SART3: variants seen among roughly 807,000 people sequenced by gnomAD.
The protein encoded by SART3 is spliceosome associated factor 3, U4/U6 recycling protein, also known as HIV-1 Tat-interacting protein of 110kDa.
In SART3, 44 loss-of-function variants were observed where a neutral mutation model predicts 122.3. That is an observed-to-expected ratio of 0.36 (90% confidence interval 0.28 to 0.46). SART3 has a LOEUF of 0.46. SART3 is among the 20% of genes least tolerant of loss of function. The pLI, the probability that SART3 is intolerant of heterozygous loss-of-function variation, is 1.00. For missense variants in SART3, 1,101 were observed against 1,229.0 expected, an observed-to-expected ratio of 0.90 and a Z score of 1.56; for synonymous variants, 442 against 454.0, an observed-to-expected ratio of 0.97 and a Z score of 0.34.
intron 17 of SART3, 105 bp from the exon 18 acceptor site, chr12:108,524,611 G>A: frequency 9.6e-7 from 1 of 1,046,998 alleles, no homozygotes; most frequent in South Asian, 1.3e-5. Context: ...CAGCAGACCA[G>A]GCCACAGCAA....
At chr12:108,547,755 CAACTT>C in intron 3 of SART3, 127 bp downstream of exon 3, 1 of 694,196 alleles carries the variant, frequency 1.4e-6, no homozygotes, top group Non-Finnish European at 2.6e-6. Flanking sequence ...TAAGACAACT[CAACTT>C]AAATCTTGCT....
Position 108,543,146 on chromosome 12 carries a change from T to G in SART3, c.788A>C (p.Glu263Ala). ...RQLAIPLYDM[E>A]ATFAEYEEWS... ...TTCTTCATACTCTGCAAATGTGGCC[T>G]CCATATCTATTGAAAGATGGATTCA... The change falls in exon 6 of 19, where the codon GAG becomes GCG. Residue 263 changes from glutamate to alanine, a missense_variant. Transcript: ENST00000546815. 1 of 1,614,148 alleles carries G rather than the reference T, an allele frequency of 6.2e-7. No homozygotes were observed. The highest frequency in any genetic ancestry group is 8.5e-7 in the Non-Finnish European group (1 of 1,179,974).
chr12:108,537,620 T>C (rs1443481716), intron 8 of SART3, 25 bp from the exon 9 acceptor site: 1 of 1,567,660 alleles, frequency 6.4e-7, no homozygotes, highest in South Asian at 1.1e-5. Flanking sequence ...AAGTCAGGAT[T>C]TGTTACCAAT....
rs777536264 is a variant in SART3 at position 108,535,441 on chromosome 12, C to T, written c.1474G>A (p.Ala492Thr). Residue 492 changes from alanine (A) to threonine (T), a missense_variant, in exon 12 of 19, where the codon GCT becomes ACT. Physicochemically the swap from Ala to Thr is moderately conservative, Grantham distance 58. Transcript: ENST00000546815. ...ATGATGCTATCCCAGAGTTCCCGAG[C>T]TTTCTGCATGTTATTGCACAGTCGA... ...EARLCNNMQK[A>T]RELWDSIMTR... The T allele has an allele frequency of 4.3e-6, 7 of 1,614,008 alleles. No homozygotes were observed. The highest frequency in any genetic ancestry group is 4.5e-5 in the East Asian group (2 of 44,890).
chr12:108,525,869 A>G (rs758599679), intron 16 of SART3: 3 of 619,624 alleles, frequency 4.8e-6, no homozygotes, highest in East Asian at 2.7e-5. Context: ...TGACACACAT[A>G]AAGCATTCAG....
At position 108,523,497 on chromosome 12, in the gene SART3, A is replaced by G. The variant is rs769530608; in HGVS notation, c.2852T>C (p.Met951Thr). The change falls in exon 19 of 19, where the codon ATG becomes ACG. Residue 951 changes from methionine (M) to threonine (T), a missense_variant. This residue lies in a region of SART3 where 885 missense variants were observed against 1,080.1 expected (regional missense o/e 0.82). Transcript: ENST00000546815. ...CAGCTTGGCAAAATCGGCATTGGAC[A>G]TCTTGGGTGCCTCGGTGGCTGCTGG... ...AAPAATEAPK[M>T]SNADFAKLFL... The G allele has an allele frequency of 3.1e-6, 5 of 1,613,068 alleles. No individual in the cohort carries two copies. In the South Asian group the frequency reaches 4.4e-5, roughly 14 times the overall value.
intron 12 of SART3, 76 bp from the exon 13 acceptor site, chr12:108,532,410 C>A: frequency 8.2e-7 from 1 of 1,223,292 alleles, no homozygotes. Context: ...CCGTCTTCTC[C>A]CAGGTAGAAA....
In SART3 at chr12:108,549,319, C is replaced by T. The variant is rs759811534; in HGVS notation, c.313-105G>A. The T allele has an allele frequency of 2.4e-4, 302 of 1,285,012 alleles. 1 individual carries two copies. The highest frequency in any genetic ancestry group is 2.6e-4 in the Non-Finnish European group (230 of 900,634). The allele number at this position is 1,285,012 out of a possible 1,614,324, so 79.6% of individuals were successfully genotyped here. On this transcript the variant is annotated intron_variant, in intron 1 of 18. Transcript: ENST00000546815. ...ATATACCTGCCACAAACAAAATAAACGTGCTATCTGAGAAAACCACTGAAA... is the reference window on the plus strand; with the variant it reads ...ATATACCTGCCACAAACAAAATAAATGTGCTATCTGAGAAAACCACTGAAA...
intron 1 of SART3, among the ~76,000 whole-genome samples, chr12:108,549,589 G>A (rs555583871): frequency 6.6e-6 from 1 of 152,152 alleles, no homozygotes; most frequent in South Asian, 2.1e-4. Flanking sequence ...GCTCATACCA[G>A]GTCTTCCAAG....
intron 3 of SART3, 77 bp from the exon 4 acceptor site, chr12:108,545,400 G>A (rs990137252): frequency 1.4e-6 from 2 of 1,426,368 alleles, no homozygotes; most frequent in African/African-American, 1.4e-5. Flanking sequence ...CAAACGAAAT[G>A]TGCCTACCAA....
At chr12:108,523,945 C>CAGCG (rs1872249955) in intron 18 of SART3, 2 of 562,070 alleles carry the variant, frequency 3.6e-6, no homozygotes, top group Admixed American at 6.2e-5. Flanking sequence ...CATCCCAAAC[C>CAGCG]AGCGAACAGC....
rs1873041603 is a variant in SART3, at chr12:108,539,060, TTCTGCCAGCCTTGGTGCC to T, written c.918_935del (p.Ala307_Glu312del). On this transcript the variant is annotated inframe_deletion, in exon 7 of 19. Coordinates refer to ENST00000546815, the MANE Select transcript of SART3 (RefSeq NM_014706.4). ...TCTCAAAATCGATATATGCTTGATA[TTCTGCCAGCCTTGGTGCC>T]TCTGCCTGCAACTGGAGTACAGGAA... is the stretch of plus-strand genomic sequence containing the variant. 2 of 1,614,104 alleles carry T rather than the reference TTCTGCCAGCCTTGGTGCC, an allele frequency of 1.2e-6. No homozygotes were observed. The highest frequency in any genetic ancestry group is 3.3e-5 in the Admixed American group (2 of 60,014).
At chr12:108,548,488 A>G (rs186893579) in intron 2 of SART3, among the ~76,000 whole-genome samples, 2 of 152,240 alleles carry the variant, frequency 1.3e-5, no homozygotes, top group Admixed American at 1.3e-4. Flanking sequence ...CCAGGAATGA[A>G]TCTAGGTCAC....
rs765475446 is a variant in SART3 at position 108,526,497 on chromosome 12, G to C, written c.1972C>G (p.Gln658Glu). 40 of 1,614,056 alleles carry C rather than the reference G, an allele frequency of 2.5e-5. No individual in the cohort carries two copies. Among genetic ancestry groups the C allele is most frequent in the Non-Finnish European group, 3.4e-5 (40 of 1,180,058 alleles). The change falls in exon 16 of 19, where the codon CAA (glutamine) becomes GAA (glutamate). Residue 658 changes from glutamine (Q) to glutamate (E), a missense_variant. By Grantham distance (29) the Gln-to-Glu change is conservative. Coordinates refer to ENST00000546815, the MANE Select transcript of SART3 (RefSeq NM_014706.4). Reference protein sequence around the residue: ...ENSIPAAGETQNVEVAAGPAG... With the variant: ...ENSIPAAGETENVEVAAGPAG... ...GGCCCTGCTGCTACTTCTACATTTT[G>C]TGTTTCTCCAGCTGCAGGGATGCTG...
intron 6 of SART3, chr12:108,542,739 T>G: frequency 2.1e-6 from 1 of 481,328 alleles, no homozygotes; most frequent in East Asian, 5.2e-5. Context: ...AGCAAGGGAA[T>G]TATCATCACA....
intron 1 of SART3, among the ~76,000 whole-genome samples, chr12:108,552,543 AAAAAAAAAAAC>A (rs2030053255): frequency 3.7e-5 from 3 of 81,102 alleles, no homozygotes; most frequent in African/African-American, 1.3e-4. Context: ...ATACAAAAAC[AAAAAAAAAAAC>A]AAAAGAACAT....
chr12:108,544,481 G>A lies in SART3; in HGVS notation c.730-3C>T, dbSNP rs1873313463. On this transcript the variant is annotated splice_polypyrimidine_tract_variant and splice_region_variant and intron_variant, in intron 4 of 18. Transcript: ENST00000546815. Reference sequence around the variant, plus strand: ...AAAAGACTGTGGACTTTCTCAAGCTGTGAATCAAAGGTTTGTTCCCGGTCA... The same window carrying A: ...AAAAGACTGTGGACTTTCTCAAGCTATGAATCAAAGGTTTGTTCCCGGTCA... 2.5e-6 allele frequency: 4 copies of A among 1,614,234 alleles called. No individual in the cohort carries two copies. The highest frequency in any genetic ancestry group is 2.5e-6 in the Non-Finnish European group (3 of 1,180,048).
chr12:108,529,164 G>A (rs899077829), intron 15 of SART3, among the ~76,000 whole-genome samples: 1 of 152,196 alleles, frequency 6.6e-6, no homozygotes, highest in Non-Finnish European at 1.5e-5. Context: ...AGAGAGAAGG[G>A]CATTGCAAGT....
chr12:108,545,326 A>G lies in SART3; in HGVS notation c.545-3T>C. The stretch of plus-strand genomic sequence containing the variant: ...ATACTCTAGCCAAATGTTAGGACCT[A>G]AAAATAAGAAGTGTTCAATTAGTTT... On this transcript the variant is annotated splice_polypyrimidine_tract_variant and splice_region_variant and intron_variant, in intron 3 of 18. Coordinates refer to ENST00000546815, the MANE Select transcript of SART3 (RefSeq NM_014706.4). The G allele has an allele frequency of 6.2e-7, 1 of 1,614,014 alleles. No homozygotes were observed. The highest frequency in any genetic ancestry group is 8.5e-7 in the Non-Finnish European group (1 of 1,179,834).
Sources: gnomAD v4.1 joint callset for allele counts (sites outside exome capture counted in the v4.1 genomes callset) on GRCh38, gnomAD v4.1.1 for gene constraint, gnomAD v4.1.1 regional missense constraint, MANE v1.5 for transcripts, NCBI Gene and HGNC (gene_info 2026-07-23, HGNC 2026-07-21) for gene names.